KIFAP3: variants seen among roughly 807,000 people sequenced by gnomAD.
KIFAP3 encodes kinesin-associated protein 3.
KIFAP3 carries 68 observed loss-of-function variants against 106.5 expected under a neutral mutation model. The observed-to-expected ratio is 0.64, with a 90% CI of 0.53 to 0.78. KIFAP3 has a LOEUF of 0.78. Ranked by LOEUF, KIFAP3 falls within the 30% of genes least tolerant of loss-of-function variation. The pLI, the probability that KIFAP3 is intolerant of heterozygous loss-of-function variation, is 0.00. For missense variants in KIFAP3, 780 were observed against 941.8 expected, an observed-to-expected ratio of 0.83 and a Z score of 2.25; for synonymous variants, 320 against 311.5, an observed-to-expected ratio of 1.03 and a Z score of -0.29.
chr1:169,935,959 A>G (rs1663775919), intron 19 of KIFAP3, among the ~76,000 whole-genome samples: 1 of 151,982 alleles, frequency 6.6e-6, no homozygotes, highest in Non-Finnish European at 1.5e-5. Flanking sequence ...TAATATTGGA[A>G]GATTGTGTGT....
At chr1:169,953,935 T>C (rs1011154078) in intron 19 of KIFAP3, 76 bp downstream of exon 19, 6 of 930,662 alleles carry the variant, frequency 6.4e-6, no homozygotes, top group African/African-American at 4.9e-5. Context: ...AGAAGAGAAA[T>C]GGAGAGTGAA....
intron 5 of KIFAP3, 77 bp from the exon 6 acceptor site, chr1:170,035,630 G>T: frequency 1.2e-6 from 1 of 820,336 alleles, no homozygotes; most frequent in African/African-American, 1.8e-5. Context: ...TAAATGTCTA[G>T]TTATTAATGA....
At chr1:170,028,830 C>T (rs1669250673) in intron 8 of KIFAP3, among the ~76,000 whole-genome samples, 2 of 151,824 alleles carry the variant, frequency 1.3e-5, no homozygotes, top group South Asian at 4.2e-4. Context: ...ATAATATAAA[C>T]CTTAAAGCAA....
intron 19 of KIFAP3, among the ~76,000 whole-genome samples, chr1:169,942,285 C>T (rs147776433): frequency 6.6e-6 from 1 of 152,102 alleles, no homozygotes; most frequent in African/African-American, 2.4e-5. Flanking sequence ...GAAAAAAAGG[C>T]TTGGTCTTTA....
At chr1:170,066,747 A>C (rs1270872739) in intron 1 of KIFAP3, among the ~76,000 whole-genome samples, 2 of 152,286 alleles carry the variant, frequency 1.3e-5, no homozygotes, top group Non-Finnish European at 1.5e-5. Flanking sequence ...TAAGCTTGAA[A>C]CAGGAGGACT....
At chr1:170,026,401 C>T (rs1669105103) in intron 8 of KIFAP3, among the ~76,000 whole-genome samples, 1 of 152,104 alleles carries the variant, frequency 6.6e-6, no homozygotes, top group Non-Finnish European at 1.5e-5. Context: ...ATAGTGGACA[C>T]CAGACAATGA....
chr1:170,062,351 T>C (rs1671221414), intron 1 of KIFAP3, among the ~76,000 whole-genome samples: 2 of 151,908 alleles, frequency 1.3e-5, no homozygotes, highest in South Asian at 2.1e-4. Context: ...CTGCTTTTCA[T>C]TGTTACAAAA....
chr1:170,017,214 G>C (rs942873571), intron 9 of KIFAP3, among the ~76,000 whole-genome samples: 1 of 134,678 alleles, frequency 7.4e-6, no homozygotes, highest in Admixed American at 8.4e-5. Context: ...CCGAGATCAT[G>C]CTACTGCATT....
At chr1:169,969,119 G>C (rs1318783592) in intron 17 of KIFAP3, among the ~76,000 whole-genome samples, 1 of 151,996 alleles carries the variant, frequency 6.6e-6, no homozygotes, top group Non-Finnish European at 1.5e-5. Context: ...GGTCTGGAAA[G>C]AGAAAATTTT....
At chr1:169,966,136 C>T (rs1665603864) in intron 17 of KIFAP3, among the ~76,000 whole-genome samples, 2 of 151,716 alleles carry the variant, frequency 1.3e-5, no homozygotes, top group African/African-American at 2.4e-5. Context: ...TACTATAAAA[C>T]AATAGGTTTA....
chr1:170,067,661 CA>C (rs1671510203), intron 1 of KIFAP3: 1 of 152,224 alleles, frequency 6.6e-6, no homozygotes, highest in South Asian at 2.1e-4. Flanking sequence ...CCTTTGAGGT[CA>C]GCTGCAAGGG....
intron 19 of KIFAP3, among the ~76,000 whole-genome samples, chr1:169,928,538 A>T (rs1456248855): frequency 1.3e-5 from 2 of 151,754 alleles, no homozygotes; most frequent in Non-Finnish European, 2.9e-5. Flanking sequence ...TTCTACAAAA[A>T]TACAGAAAAT....
At chr1:170,079,289 T>C (rs1214599160), upstream of KIFAP3, among the ~76,000 whole-genome samples, 2 of 152,210 alleles carry the variant, frequency 1.3e-5, no homozygotes, top group Non-Finnish European at 2.9e-5. Context: ...CCCGTCCATC[T>C]TGAATGGAAG....
intron 3 of KIFAP3, chr1:170,041,884 G>A: frequency 7.3e-7 from 1 of 1,363,372 alleles, no homozygotes; most frequent in Non-Finnish European, 9.5e-7. Context: ...CCAACTGGAA[G>A]GAGAATAAAG....
At chr1:170,056,182 T>C (rs1367565526) in intron 1 of KIFAP3, among the ~76,000 whole-genome samples, 1 of 152,084 alleles carries the variant, frequency 6.6e-6, no homozygotes, top group Non-Finnish European at 1.5e-5. Flanking sequence ...AAATTGTCTA[T>C]ATTACAATAT....
chr1:169,975,631 T>TAGAGAC (rs1666187188), intron 16 of KIFAP3, among the ~76,000 whole-genome samples: 1 of 152,152 alleles, frequency 6.6e-6, no homozygotes, highest in Non-Finnish European at 1.5e-5. Context: ...AGTTTTTTTT[T>TAGAGAC]AGAGACAGAG....
At chr1:170,080,396 T>A (rs985747223) in intron 1 of KIFAP3, among the ~76,000 whole-genome samples, 2 of 152,096 alleles carry the variant, frequency 1.3e-5, no homozygotes, top group Non-Finnish European at 2.9e-5. Context: ...CAATTTTTTT[T>A]TACAAATTGA....
chr1:170,021,806 G>A (rs912493479), intron 9 of KIFAP3, among the ~76,000 whole-genome samples: 3 of 151,806 alleles, frequency 2.0e-5, no homozygotes, highest in East Asian at 3.9e-4. Flanking sequence ...TCAATCAGAT[G>A]TTTAAACACT....
chr1:170,032,204 CTTT>C, intron 7 of KIFAP3: 1 of 415,312 alleles, frequency 2.4e-6, no homozygotes, highest in East Asian at 3.8e-5. Flanking sequence ...GGTGAACAAA[CTTT>C]TTTATGTAGC....
Sources: allele counts gnomAD v4.1 joint callset (sites outside exome capture counted in the v4.1 genomes callset), GRCh38; gene constraint gnomAD v4.1.1; transcripts MANE v1.5; gene names NCBI Gene and HGNC (gene_info 2026-07-23, HGNC 2026-07-21).